EIF4G2: variants seen among roughly 807,000 people sequenced by gnomAD.
EIF4G2 encodes eukaryotic translation initiation factor 4 gamma 2, also known as DAP-5.
In EIF4G2, 8 loss-of-function variants were observed where a neutral mutation model predicts 117.7. The ratio of observed to expected loss-of-function variants is 0.07; its 90% CI spans 0.04 to 0.12. The LOEUF (loss-of-function observed/expected upper bound fraction) is 0.12, where lower values mean the gene tolerates loss of function less well. Among genes scored for constraint, EIF4G2 ranks in the 10% least tolerant of loss-of-function variants. The pLI, the probability that EIF4G2 is intolerant of heterozygous loss-of-function variation, is 1.00. For missense variants in EIF4G2, 812 were observed against 1,086.2 expected (o/e 0.75, Z 3.55); for synonymous variants, 413 against 367.8 (o/e 1.12, Z -1.41).
intron 1 of EIF4G2, 171 bp downstream of exon 1, chr11:10,808,534 G>A: frequency 2.5e-6 from 3 of 1,178,614 alleles, no homozygotes; most frequent in South Asian, 2.9e-5. Context: ...CAGGAAGAGA[G>A]AACAAAAGCC....
intron 13 of EIF4G2, 34 bp from the exon 14 acceptor site, chr11:10,801,808 A>G (rs1480029841): frequency 6.3e-7 from 1 of 1,589,040 alleles, no homozygotes; most frequent in Non-Finnish European, 8.6e-7. Flanking sequence ...AGTCTAGATA[A>G]AAAGGGGTCC....
chr11:10,799,268 T>C lies in EIF4G2; in HGVS notation c.2481A>G (p.Gln827=), dbSNP rs538114641. ...CCTGGAGAGCATACAGGGCACTGAC[T>C]TGTAGATCAACGTGATCATGAAGAA... is the stretch of plus-strand genomic sequence containing the variant. The change falls in exon 20 of 22, where the codon CAA becomes CAG. Residue 827 remains glutamine (Q), a synonymous_variant. Coordinates refer to ENST00000339995, the MANE Select transcript of EIF4G2 (RefSeq NM_001418.4). 1 of 1,614,212 alleles carries C rather than the reference T, an allele frequency of 6.2e-7. No homozygotes were observed. Among genetic ancestry groups the C allele is most frequent in the East Asian group, 2.2e-5 (1 of 44,878 alleles).
At position 10,803,791 on chromosome 11, in the gene EIF4G2, T is replaced by G; in HGVS notation, c.702+108A>C. The G allele has an allele frequency of 1.5e-6, 2 of 1,375,488 alleles. No homozygotes were observed. Among genetic ancestry groups the G allele is most frequent in the East Asian group, 4.6e-5 (2 of 43,514 alleles). 85.2% of individuals were successfully genotyped at this position (1,375,488 alleles called of 1,614,324 possible). ...TTTCAAATTATTCTGTTTAGTAAAT[T>G]TTGTTGCACATCTGTATTTAACTAG... On this transcript the variant is annotated intron_variant, in intron 8 of 21. Coordinates refer to ENST00000339995, the MANE Select transcript of EIF4G2 (RefSeq NM_001418.4). This position sits in a 1 kb window ranked among gnomAD's most constrained non-coding sequence, Gnocchi z 4.0.
In EIF4G2 at chr11:10,797,755, C is replaced by A; in HGVS notation, c.*61G>T. ...GAATGAATTTTCGCAGTGGTTAGGT[C>A]AAATGCAGTTACATCATAGCAACAG... On this transcript the variant is annotated 3_prime_UTR_variant, in exon 22 of 22. Transcript: ENST00000339995. This position sits in a 1 kb window ranked among gnomAD's most constrained non-coding sequence, Gnocchi z 4.5. The A allele has an allele frequency of 1.3e-6, 2 of 1,543,818 alleles. No homozygotes were observed. The highest frequency in any genetic ancestry group is 1.1e-5 in the South Asian group (1 of 88,354).
intron 2 of EIF4G2, 141 bp downstream of exon 2, chr11:10,807,114 G>T (rs183848186): frequency 2.3e-4 from 300 of 1,324,178 alleles, no homozygotes; most frequent in Non-Finnish European, 2.9e-4. Context: ...TCAGATGGCA[G>T]TTCTTAGAAG....
intron 1 of EIF4G2, chr11:10,807,650 A>G: frequency 9.5e-7 from 1 of 1,055,834 alleles, no homozygotes; most frequent in Non-Finnish European, 1.1e-6. Context: ...ACATTCTACT[A>G]TCTTTAAAAC....
At chr11:10,807,889 C>T in intron 1 of EIF4G2, 1 of 1,007,264 alleles carries the variant, frequency 9.9e-7, no homozygotes, top group East Asian at 1.1e-4. Context: ...CACTTGCAGG[C>T]GGAAGACCAG....
Position 10,801,624 on chromosome 11 carries a change from A to G in EIF4G2, c.1413+37T>C, listed in dbSNP as rs761551132. 1.1e-5 allele frequency: 17 copies of G among 1,576,336 alleles called. No individual in the cohort carries two copies. The African/African-American group carries it at 1.5e-4, about 14-fold the overall frequency. On this transcript the variant is annotated intron_variant, in intron 14 of 21. Transcript: ENST00000339995. The stretch of plus-strand genomic sequence containing the variant: ...CATCGGGCAATAAATTTCTGAATGG[A>G]CAAACTATGGTATATAAGTAACATA...
Position 10,803,436 on chromosome 11 carries a change from TA to T in EIF4G2, c.813+43del. The T allele has an allele frequency of 6.3e-7, 1 of 1,588,652 alleles. No homozygotes were observed. Among genetic ancestry groups the T allele is most frequent in the Non-Finnish European group, 8.6e-7 (1 of 1,158,216 alleles). On this transcript the variant is annotated intron_variant, in intron 9 of 21. Coordinates refer to ENST00000339995, the MANE Select transcript of EIF4G2 (RefSeq NM_001418.4). The surrounding 1 kb of genome is among the most constrained non-coding windows in gnomAD (Gnocchi z 4.0). ...TGTCACAAAAATCAATAGCTTGATT[TA>T]AAGACAAACTACTTGTACTACTTTC...
Position 10,797,903 on chromosome 11 carries a change from T to C in EIF4G2, c.2659-22A>G, listed in dbSNP as rs1847302281. On this transcript the variant is annotated intron_variant, in intron 21 of 21. Transcript: ENST00000339995. This position sits in a 1 kb window ranked among gnomAD's most constrained non-coding sequence, Gnocchi z 4.5. ...TCACCTATAAATTAAGATTTGTAAATTAAAATAGTTCATGATATAAACAGA... is the reference window on the plus strand; with the variant it reads ...TCACCTATAAATTAAGATTTGTAAACTAAAATAGTTCATGATATAAACAGA... The C allele has an allele frequency of 6.2e-7, 1 of 1,608,830 alleles. No individual in the cohort carries two copies. The highest frequency in any genetic ancestry group is 8.5e-7 in the Non-Finnish European group (1 of 1,176,494).
chr11:10,804,495 C>G (rs1354032021), intron 5 of EIF4G2, 77 bp from the exon 6 acceptor site: 5 of 1,499,252 alleles, frequency 3.3e-6, no homozygotes, highest in Non-Finnish European at 4.5e-6. Flanking sequence ...ATACAACCAC[C>G]TAAATGTTAG....
chr11:10,800,885 T>C (rs779994582), intron 15 of EIF4G2, 50 bp from the exon 16 acceptor site: 3 of 1,612,166 alleles, frequency 1.9e-6, no homozygotes, highest in Non-Finnish European at 1.7e-6. Flanking sequence ...ACTATGAAAT[T>C]AGGGGGAAGA....
chr11:10,802,044 C>G lies in EIF4G2; in HGVS notation c.1299+5G>C, dbSNP rs200383683. The stretch of plus-strand genomic sequence containing the variant: ...AGAAAACATGCACACTCAAATATTA[C>G]TTACCTGGCTTTTCATAAACTTGCC... On this transcript the variant is annotated splice_donor_5th_base_variant and intron_variant, in intron 13 of 21. Transcript: ENST00000339995. 4.9e-6 allele frequency: 1 copy of G among 202,152 alleles called. No individual in the cohort carries two copies. Among genetic ancestry groups the G allele is most frequent in the Non-Finnish European group, 7.0e-6 (1 of 142,408 alleles). The allele number at this position is 202,152 out of a possible 1,614,324, so 12.5% of individuals were successfully genotyped here. A position where few individuals can be genotyped will look rare whatever the true frequency, so the allele number is the denominator to read the frequency against.
intron 6 of EIF4G2, 35 bp downstream of exon 6, chr11:10,804,252 A>C (rs1291976570): frequency 6.2e-7 from 1 of 1,612,832 alleles, no homozygotes; most frequent in Non-Finnish European, 8.5e-7. Context: ...TTTTCAAGTC[A>C]ACTTTAAAAC....
rs1474487264 is a variant in EIF4G2, at chr11:10,803,319, TGGAAG to T, written c.814-30_814-26del. 3 of 1,608,738 alleles carry T rather than the reference TGGAAG, an allele frequency of 1.9e-6. No individual in the cohort carries two copies. Among genetic ancestry groups the T allele is most frequent in the Non-Finnish European group, 2.5e-6 (3 of 1,177,686 alleles). ...ACTGATAAGAGAAGAATACATTCAT[TGGAAG>T]AGCTAAAGCAAATGTGTTCAATTTA... On this transcript the variant is annotated intron_variant, in intron 9 of 21. Coordinates refer to ENST00000339995, the MANE Select transcript of EIF4G2 (RefSeq NM_001418.4). This position sits in a 1 kb window ranked among gnomAD's most constrained non-coding sequence, Gnocchi z 4.0.
chr11:10,800,881 A>C (rs577990971), intron 15 of EIF4G2, 46 bp from the exon 16 acceptor site: 36 of 1,612,332 alleles, frequency 2.2e-5, no homozygotes. Flanking sequence ...GAGGACTATG[A>C]AATTAGGGGG....
chr11:10,806,929 T>A, intron 2 of EIF4G2, 44 bp from the exon 3 acceptor site: 1 of 1,506,178 alleles, frequency 6.6e-7, no homozygotes, highest in Non-Finnish European at 8.8e-7. Context: ...CAACTATGTC[T>A]CACTCAAAAA....
chr11:10,804,620 A>G, intron 5 of EIF4G2: 1 of 677,892 alleles, frequency 1.5e-6, no homozygotes. Flanking sequence ...ATAAACTGTC[A>G]TACAATGCAT....
chr11:10,808,014 C>G, intron 1 of EIF4G2: 1 of 1,033,592 alleles, frequency 9.7e-7, no homozygotes, highest in Non-Finnish European at 1.2e-6. Flanking sequence ...ACAACCTCCC[C>G]GCGAGGCCCG....
Sources: gnomAD v4.1 joint callset for allele counts on GRCh38, gnomAD v4.1.1 for gene constraint, Gnocchi (gnomAD v3.1) non-coding constraint, MANE v1.5 for transcripts, NCBI Gene and HGNC (gene_info 2026-07-23, HGNC 2026-07-21) for gene names.